The following WDR27 variants were observed in gnomAD, a reference collection of about 807,000 sequenced individuals.
WDR27 encodes the protein WD repeat-containing protein 27.
WDR27 carries 100 observed loss-of-function variants against 114.4 expected under a neutral mutation model. The ratio of observed to expected loss-of-function variants is 0.87; its 90% CI spans 0.74 to 1.03. The LOEUF (loss-of-function observed/expected upper bound fraction) is 1.03, where lower values mean the gene tolerates loss of function less well. Among genes scored for constraint, WDR27 ranks in the 50% least tolerant of loss-of-function variants. WDR27 has a pLI of 0.00. For missense variants in WDR27, 1,129 were observed against 1,092.9 expected (o/e 1.03, Z -0.47); for synonymous variants, 449 against 423.1 (o/e 1.06, Z -0.75).
chr6:169,649,207 C>T lies in WDR27; in HGVS notation c.1550G>A (p.Ser517Asn). 6.4e-7 allele frequency: 1 copy of T among 1,572,710 alleles called. No individual in the cohort carries two copies. The highest frequency in any genetic ancestry group is 8.6e-7 in the Non-Finnish European group (1 of 1,158,190). ...ACGCTACATCACACACCGTGCGCAG[C>T]TGCTCCTGCTCCTTGAAGATCCTTT... ...EGKGSSRSRS[S>N]CAREAYPVEC... Residue 517 changes from serine to asparagine, a missense_variant, in exon 15 of 26, where the codon AGC (serine) becomes AAC (asparagine). Coordinates refer to ENST00000448612, the MANE Select transcript of WDR27 (RefSeq NM_182552.5).
Position 169,689,002 on chromosome 6 carries a change from C to T in WDR27, c.4G>A (p.Glu2Lys). The stretch of plus-strand genomic sequence containing the variant: ...CTTGAGAAAATGTCTTGGGGATTTT[C>T]CATCTTCAATCTGAAAACAAAAAGT... M[E>K]NPQDIFSSNG... is the part of the protein sequence containing the mutation. Residue 2 changes from glutamate to lysine, a missense_variant, in exon 2 of 26, where the codon GAA becomes AAA. Physicochemically the swap from Glu to Lys is moderately conservative, Grantham distance 56. Coordinates refer to ENST00000448612, the MANE Select transcript of WDR27 (RefSeq NM_182552.5). The T allele has an allele frequency of 6.2e-7, 1 of 1,609,732 alleles. No individual in the cohort carries two copies. The highest frequency in any genetic ancestry group is 8.5e-7 in the Non-Finnish European group (1 of 1,178,068).
chr6:169,655,976 CCTCCCAAAGTG>C (rs1218437805), intron 13 of WDR27, among the ~76,000 whole-genome samples: 2 of 152,160 alleles, frequency 1.3e-5, no homozygotes, highest in Non-Finnish European at 2.9e-5. Context: ...CCTGCCTCGG[CCTCCCAAAGTG>C]CTGCGATTAC....
At position 169,674,245 on chromosome 6, in the gene WDR27, G is replaced by A. The variant is rs145397435; in HGVS notation, c.190-1849C>T. Among the ~76,000 whole-genome samples, 723 of 152,220 alleles carry A rather than the reference G, an allele frequency of 4.7e-3. 4 individuals carry two copies. Among genetic ancestry groups the A allele is most frequent in the African/African-American group, 0.016 (657 of 41,532 alleles). ...AGAAAAATAAAGAATAGAGAAATGC[G>A]ATGCCTACAAGTCATCCAGATAAGA... On this transcript the variant is annotated intron_variant, in intron 2 of 25. Coordinates refer to ENST00000448612, the MANE Select transcript of WDR27 (RefSeq NM_182552.5).
intron 25 of WDR27, among the ~76,000 whole-genome samples, chr6:169,516,343 GC>G (rs1793636351): frequency 6.6e-6 from 1 of 152,170 alleles, no homozygotes; most frequent in Admixed American, 6.5e-5. Flanking sequence ...ACTGGATGGA[GC>G]AGAACAGATC....
At chr6:169,572,061 C>CA (rs1280095801) in intron 25 of WDR27, among the ~76,000 whole-genome samples, 1 of 151,984 alleles carries the variant, frequency 6.6e-6, no homozygotes, top group Non-Finnish European at 1.5e-5. Context: ...CTAAGGTAAT[C>CA]AGAATAAATC....
chr6:169,650,663 A>G (rs1822169222), intron 14 of WDR27, among the ~76,000 whole-genome samples: 1 of 131,572 alleles, frequency 7.6e-6, no homozygotes, highest in Admixed American at 7.7e-5. Context: ...CCATCCATCC[A>G]CCAACTCATC....
the WDR27 span, among the ~76,000 whole-genome samples, chr6:169,451,570 A>G: frequency 6.6e-6 from 1 of 152,258 alleles, no homozygotes; most frequent in Non-Finnish European, 1.5e-5. Context: ...CTTAGACATG[A>G]GTAAATGTAT....
intron 25 of WDR27, among the ~76,000 whole-genome samples, chr6:169,489,016 C>T (rs758881907): frequency 7.5e-5 from 11 of 146,000 alleles, no homozygotes; most frequent in African/African-American, 2.8e-4. Flanking sequence ...TCTGTTGATA[C>T]ATAATCATTT....
At chr6:169,585,048 A>G (rs1279896649) in intron 23 of WDR27, among the ~76,000 whole-genome samples, 1 of 152,224 alleles carries the variant, frequency 6.6e-6, no homozygotes, top group Non-Finnish European at 1.5e-5. Flanking sequence ...CATCAAGAGG[A>G]CACAATGAGG....
chr6:169,640,172 T>C (rs1818810833), intron 17 of WDR27, among the ~76,000 whole-genome samples: 1 of 151,914 alleles, frequency 6.6e-6, no homozygotes, highest in African/African-American at 2.4e-5. Flanking sequence ...TAACCACAAC[T>C]CCCGAGAAAA....
At chr6:169,476,645 T>C (rs1583648509) in intron 25 of WDR27, among the ~76,000 whole-genome samples, 1 of 152,174 alleles carries the variant, frequency 6.6e-6, no homozygotes, top group East Asian at 1.9e-4. Context: ...AGCAGTTTAT[T>C]AGAGATTTAA....
the WDR27 span, among the ~76,000 whole-genome samples, chr6:169,446,026 CACTT>C: frequency 2.0e-5 from 3 of 152,240 alleles, no homozygotes; most frequent in African/African-American, 7.2e-5. Context: ...AGGGCTCTGT[CACTT>C]ACCCAGTGAA....
chr6:169,592,952 G>A (rs931171770), intron 23 of WDR27, among the ~76,000 whole-genome samples: 1 of 152,042 alleles, frequency 6.6e-6, no homozygotes, highest in African/African-American at 2.4e-5. Flanking sequence ...ATATTATGAG[G>A]GAATTATTAG....
chr6:169,586,377 T>C (rs1314042127), intron 23 of WDR27, among the ~76,000 whole-genome samples: 7 of 152,142 alleles, frequency 4.6e-5, no homozygotes, highest in Admixed American at 1.3e-4. Context: ...ATTTTCATGA[T>C]GCTCTCTCTA....
At chr6:169,597,444 G>A (rs1282813556) in intron 23 of WDR27, among the ~76,000 whole-genome samples, 1 of 151,866 alleles carries the variant, frequency 6.6e-6, no homozygotes, top group South Asian at 2.1e-4. Context: ...TTACATTATT[G>A]TACTCCAGAA....
chr6:169,693,253 A>G (rs780099305), intron 1 of WDR27, among the ~76,000 whole-genome samples: 81 of 152,144 alleles, frequency 5.3e-4, no homozygotes, highest in Non-Finnish European at 1.0e-3. Context: ...AGCTTCACAA[A>G]TGAAGGAAAG....
chr6:169,657,521 A>G (rs570208442), intron 13 of WDR27, among the ~76,000 whole-genome samples: 1 of 152,226 alleles, frequency 6.6e-6, no homozygotes, highest in Non-Finnish European at 1.5e-5. Flanking sequence ...ACCAGGCAGA[A>G]GGTGAAAGGC....
chr6:169,577,749 C>T (rs1802657139), intron 24 of WDR27, among the ~76,000 whole-genome samples: 1 of 152,188 alleles, frequency 6.6e-6, no homozygotes, highest in African/African-American at 2.4e-5. Flanking sequence ...TCCAAGCGTC[C>T]CTCCAAGACA....
At chr6:169,613,318 C>T (rs1284721155) in intron 22 of WDR27, among the ~76,000 whole-genome samples, 2 of 152,182 alleles carry the variant, frequency 1.3e-5, no homozygotes, top group Non-Finnish European at 2.9e-5. Flanking sequence ...TCTCCCTCAA[C>T]ATCGCTGACC....
Sources: allele counts gnomAD v4.1 joint callset (sites outside exome capture counted in the v4.1 genomes callset), GRCh38; gene constraint gnomAD v4.1.1; transcripts MANE v1.5; gene names NCBI Gene and HGNC (gene_info 2026-07-23, HGNC 2026-07-21).